Variants in AXL observed in about 807,000 individuals in gnomAD.
AXL encodes tyrosine-protein kinase receptor UFO.
A neutral mutation model predicts 104.5 loss-of-function variants in AXL; 52 were observed. That is an observed-to-expected ratio of 0.50 (90% CI 0.40 to 0.63). The LOEUF is 0.63. AXL is among the 20% of genes least tolerant of loss of function. AXL has a pLI of 0.00. For missense variants in AXL, 1,024 were observed against 1,188.5 expected (o/e 0.86, Z 2.04); for synonymous variants, 455 against 473.7 (o/e 0.96, Z 0.51).
At chr19:41,227,382 C>CT (rs1381868059) in intron 4 of AXL, among the ~76,000 whole-genome samples, 1 of 151,916 alleles carries the variant, frequency 6.6e-6, no homozygotes, top group African/African-American at 2.4e-5. Context: ...ATATGATTAT[C>CT]TTTTTCTAAG....
chr19:41,240,956 C>T (rs1353059772), intron 10 of AXL, among the ~76,000 whole-genome samples: 1 of 152,072 alleles, frequency 6.6e-6, no homozygotes, highest in African/African-American at 2.4e-5. Context: ...ATACTCAGCA[C>T]ATAATGATCT....
chr19:41,232,758 G>A (rs1213130551), intron 6 of AXL, among the ~76,000 whole-genome samples: 2 of 152,160 alleles, frequency 1.3e-5, no homozygotes, highest in African/African-American at 4.8e-5. Context: ...GGTGGACAGT[G>A]CCTATGATGG....
chr19:41,260,108 A>T lies in AXL; in HGVS notation c.*204A>T, dbSNP rs1371397709. ...TGAAAGCAGTAGCATCACCATCTGT[A>T]AAAGGAAGGGGTTGGATTGCAATAT... is the stretch of plus-strand genomic sequence containing the variant. On this transcript the variant is annotated 3_prime_UTR_variant, in exon 20 of 20. Coordinates refer to ENST00000301178, the MANE Select transcript of AXL (RefSeq NM_021913.5). 2 of 527,742 alleles carry T rather than the reference A, an allele frequency of 3.8e-6. No individual in the cohort carries two copies. The highest frequency in any genetic ancestry group is 1.9e-5 in the African/African-American group (1 of 52,316). 32.7% of individuals were successfully genotyped at this position (527,742 alleles called of 1,614,324 possible).
chr19:41,233,762 C>T (rs1368192246), intron 6 of AXL, among the ~76,000 whole-genome samples: 4 of 150,658 alleles, frequency 2.7e-5, no homozygotes, highest in Admixed American at 2.0e-4. Flanking sequence ...GCTAGAAAGC[C>T]GAAGCTGAGA....
intron 4 of AXL, chr19:41,226,651 G>T: frequency 2.5e-6 from 2 of 787,776 alleles, no homozygotes; most frequent in South Asian, 1.2e-4. Context: ...GAGCAAACAC[G>T]AGAGACACGT....
At chr19:41,255,059 G>A (rs985292650) in intron 17 of AXL, among the ~76,000 whole-genome samples, 7 of 152,076 alleles carry the variant, frequency 4.6e-5, no homozygotes, top group Admixed American at 2.6e-4. Flanking sequence ...ATGCCTCTTC[G>A]TCTTCCCAAT....
chr19:41,257,532 G>A lies in AXL; in HGVS notation c.2236G>A (p.Gly746Ser), dbSNP rs751499935. 6.2e-7 allele frequency: 1 copy of A among 1,614,118 alleles called. No individual in the cohort carries two copies. Among genetic ancestry groups the A allele is most frequent in the Non-Finnish European group, 8.5e-7 (1 of 1,180,026 alleles). Residue 746 changes from glycine to serine, a missense_variant, in exon 19 of 20, where the codon GGC becomes AGC. This residue lies in a region of AXL where 523 missense variants were observed against 636.0 expected (regional missense o/e 0.82). Transcript: ENST00000301178. ...GACAATGTGGGAGATTGCCACAAGAGGCCAAACCCCATATCCGGGCGTGGA... is the reference window on the plus strand; with the variant it reads ...GACAATGTGGGAGATTGCCACAAGAAGCCAAACCCCATATCCGGGCGTGGA... ...GVTMWEIATR[G>S]QTPYPGVENS...
At chr19:41,219,667 G>A (rs2033749935) in intron 1 of AXL, among the ~76,000 whole-genome samples, 190 bp downstream of exon 1, 1 of 151,146 alleles carries the variant, frequency 6.6e-6, no homozygotes. Context: ...GGGAGAGAAA[G>A]ACTGAGAGAG....
chr19:41,223,827 G>A (rs1374277960), intron 4 of AXL, among the ~76,000 whole-genome samples: 1 of 152,008 alleles, frequency 6.6e-6, no homozygotes, highest in Non-Finnish European at 1.5e-5. Context: ...CAGGTGTGAG[G>A]ATCTGTGCAT....
intron 4 of AXL, chr19:41,227,021 C>T (rs1351582759): frequency 1.3e-5 from 2 of 153,810 alleles, no homozygotes; most frequent in African/African-American, 4.8e-5. Flanking sequence ...TCGCTTGAGC[C>T]CTGGAGGTCA....
intron 17 of AXL, among the ~76,000 whole-genome samples, chr19:41,254,551 A>T (rs565511326): frequency 1.6e-4 from 25 of 151,994 alleles, no homozygotes; most frequent in African/African-American, 6.0e-4. Context: ...AAGAAAGAAC[A>T]AAAAATCCCC....
intron 17 of AXL, among the ~76,000 whole-genome samples, chr19:41,254,154 G>A (rs988612339): frequency 1.3e-5 from 2 of 151,720 alleles, no homozygotes; most frequent in African/African-American, 2.4e-5. Context: ...TGTAATCCCA[G>A]CACTTTGGGA....
At chr19:41,251,727 AAAAAAC>A (rs1031198974) in intron 14 of AXL, among the ~76,000 whole-genome samples, 1 of 152,028 alleles carries the variant, frequency 6.6e-6, no homozygotes, top group Non-Finnish European at 1.5e-5. Context: ...AAATAAAAAT[AAAAAAC>A]AAAAACAAAA....
At chr19:41,237,859 C>T (rs1307890782) in intron 6 of AXL, 85 bp from the exon 7 acceptor site, 1 of 1,340,254 alleles carries the variant, frequency 7.5e-7, no homozygotes, top group African/African-American at 1.4e-5. Flanking sequence ...TGTGTAGTCA[C>T]ACCAGACCAC....
chr19:41,241,400 T>G (rs560663914), intron 10 of AXL, among the ~76,000 whole-genome samples: 56 of 151,768 alleles, frequency 3.7e-4, no homozygotes, highest in Non-Finnish European at 7.1e-4. Flanking sequence ...AAAAATTAGC[T>G]GGGCCTGGTG....
intron 13 of AXL, 60 bp from the exon 14 acceptor site, chr19:41,248,683 A>G: frequency 1.9e-6 from 3 of 1,611,442 alleles, no homozygotes; most frequent in Non-Finnish European, 2.5e-6. Flanking sequence ...CCACCCAACT[A>G]TAGGAAATAC....
Position 41,239,706 on chromosome 19 carries a change from C to T in AXL, c.1298C>T (p.Pro433Leu). The T allele has an allele frequency of 6.2e-7, 1 of 1,614,190 alleles. No individual in the cohort carries two copies. The highest frequency in any genetic ancestry group is 8.5e-7 in the Non-Finnish European group (1 of 1,180,048). ...TTTCTTCTCACAGGGCAAGCACAGC[C>T]AGTCCACCAGCTGGGTAAGGGCTTC... The part of the protein sequence containing the change: ...LEAWRPGQAQ[P>L]VHQLVKEPST... The change falls in exon 10 of 20, where the codon CCA becomes CTA. Residue 433 changes from proline (P) to leucine (L), a missense_variant. By Grantham distance (98) the Pro-to-Leu change is moderately conservative. This residue lies in a region of AXL where 523 missense variants were observed against 636.0 expected (regional missense o/e 0.82). Transcript: ENST00000301178.
At chr19:41,220,600 G>A (rs1599723215) in intron 1 of AXL, 36 bp from the exon 2 acceptor site, 1 of 1,526,808 alleles carries the variant, frequency 6.5e-7, no homozygotes, top group Admixed American at 2.0e-5. Flanking sequence ...AGGAGCTGGG[G>A]GGTTCCTAAG....
intron 10 of AXL, among the ~76,000 whole-genome samples, chr19:41,241,438 G>T (rs2034178479): frequency 6.6e-6 from 1 of 151,504 alleles, no homozygotes; most frequent in Admixed American, 6.6e-5. Context: ...CAGCTGCTCG[G>T]GAGGCTGAGG....
Sources: allele counts gnomAD v4.1 joint callset (sites outside exome capture counted in the v4.1 genomes callset), GRCh38; gene constraint gnomAD v4.1.1; regional missense constraint gnomAD v4.1.1; transcripts MANE v1.5; gene names NCBI Gene and HGNC (gene_info 2026-07-23, HGNC 2026-07-21).